The following FHOD1 variants were observed in gnomAD, a reference collection of about 807,000 sequenced individuals.
FHOD1 encodes FH1/FH2 domain-containing protein 1.
In FHOD1, 89 loss-of-function variants were observed where a neutral mutation model predicts 111.6. The observed-to-expected ratio is 0.80, with a 90% CI of 0.67 to 0.95. FHOD1 has a LOEUF of 0.95. Ranked by LOEUF, FHOD1 falls within the 40% of genes least tolerant of loss-of-function variation. The pLI, the probability that FHOD1 is intolerant of heterozygous loss-of-function variation, is 0.00. For synonymous variants in FHOD1, 618 were observed against 639.0 expected (o/e 0.97, Z 0.50); for missense variants, 1,446 against 1,554.2 (o/e 0.93, Z 1.17).
rs1337003138 is a variant in FHOD1, at chr16:67,237,894, A to C, written c.643-126T>G. 4.6e-6 allele frequency: 6 copies of C among 1,297,846 alleles called. No individual in the cohort carries two copies. In the African/African-American group the frequency reaches 8.8e-5, roughly 19 times the overall value. 80.4% of individuals were successfully genotyped at this position (1,297,846 alleles called of 1,614,324 possible). ...ATCTAGGCAGAATGACCCTGGCCCC[A>C]GGCCCAGGCACTGAAGTGCCTTATA... On this transcript the variant is annotated intron_variant, in intron 6 of 21. Coordinates refer to ENST00000258201, the MANE Select transcript of FHOD1 (RefSeq NM_013241.3). The surrounding 1 kb of genome is among the most constrained non-coding windows in gnomAD (Gnocchi z 5.6).
In FHOD1 at chr16:67,231,159, G is replaced by T. The variant is rs769436366; in HGVS notation, c.2667+29C>A. ...AAGCAGCGCTCCTCATGCCTTGTCC[G>T]GCCTTGGTTGATTCTGGCAGGTGCT... is the stretch of plus-strand genomic sequence containing the variant. On this transcript the variant is annotated intron_variant, in intron 17 of 21. Transcript: ENST00000258201. This position sits in a 1 kb window ranked among gnomAD's most constrained non-coding sequence, Gnocchi z 4.3. 44 of 1,611,966 alleles carry T rather than the reference G, an allele frequency of 2.7e-5. No homozygotes were observed. The South Asian group carries it at 4.7e-4, about 17-fold the overall frequency.
chr16:67,234,694 A>G, intron 11 of FHOD1: 1 of 531,042 alleles, frequency 1.9e-6, no homozygotes, highest in East Asian at 3.0e-5. Context: ...TTCCCAGGTG[A>G]AAACACAGGG....
chr16:67,230,740 G>A lies in FHOD1; in HGVS notation c.2719C>T (p.Arg907Trp), dbSNP rs761688398. The A allele has an allele frequency of 1.2e-5, 19 of 1,609,918 alleles. 1 individual carries two copies. The highest frequency in any genetic ancestry group is 3.3e-5 in the South Asian group (3 of 90,742). Reference protein sequence around the residue: ...ENLGQLERRSRAAEESLRSLA... With the variant: ...ENLGQLERRSWAAEESLRSLA... ...CTCCGCAGGCTCTCCTCGGCTGCCC[G>A]GCTCCGGCGCTCCAGCTGCCCCAGG... is the stretch of plus-strand genomic sequence containing the variant. Residue 907 changes from arginine (R) to tryptophan (W), a missense_variant, in exon 18 of 22, where the codon CGG (arginine) becomes TGG (tryptophan). Physicochemically the swap from Arg to Trp is moderately radical, Grantham distance 101. Around this residue, in one of 3 missense-constraint regions of FHOD1, gnomAD observed 1,085 missense variants for 1,108.8 expected, o/e 0.98. Coordinates refer to ENST00000258201, the MANE Select transcript of FHOD1 (RefSeq NM_013241.3).
chr16:67,246,758 G>A (rs755028551), intron 1 of FHOD1, among the ~76,000 whole-genome samples: 1 of 152,142 alleles, frequency 6.6e-6, no homozygotes, highest in Non-Finnish European at 1.5e-5. Flanking sequence ...TCCTGACACC[G>A]CAGGAAACCT....
In FHOD1 at chr16:67,238,320, T is replaced by TG. The variant is rs2034567085; in HGVS notation, c.442-14dup. The TG allele has an allele frequency of 6.2e-7, 1 of 1,613,992 alleles. No homozygotes were observed. Among genetic ancestry groups the TG allele is most frequent in the African/African-American group, 1.3e-5 (1 of 75,028 alleles). ...GGTCTTTGTCCTCCTAGAGGCACCA[T>TG]GGGGGAGTTTAGGGAAGCTTGGGCT... On this transcript the variant is annotated splice_polypyrimidine_tract_variant and intron_variant, in intron 4 of 21. Coordinates refer to ENST00000258201, the MANE Select transcript of FHOD1 (RefSeq NM_013241.3). This position sits in a 1 kb window ranked among gnomAD's most constrained non-coding sequence, Gnocchi z 4.2.
chr16:67,235,956 G>GGAAGCAATGCT, intron 11 of FHOD1: 1 of 820,040 alleles, frequency 1.2e-6, no homozygotes, highest in Non-Finnish European at 1.5e-6. Flanking sequence ...CCCTGCTGGG[G>GGAAGCAATGCT]GAAGCAATGC....
At chr16:67,230,264 A>C (rs1211407910) in intron 19 of FHOD1, 36 bp from the exon 20 acceptor site, 35 of 1,613,404 alleles carry the variant, frequency 2.2e-5, no homozygotes, top group Non-Finnish European at 3.0e-5. Context: ...GGAGGAGCGA[A>C]GGAAACCAAG....
At position 67,232,152 on chromosome 16, in the gene FHOD1, G is replaced by A; in HGVS notation, c.2089C>T (p.Pro697Ser). The A allele has an allele frequency of 1.2e-6, 2 of 1,614,184 alleles. No individual in the cohort carries two copies. Among genetic ancestry groups the A allele is most frequent in the Non-Finnish European group, 1.7e-6 (2 of 1,180,034 alleles). Reference protein sequence around the residue: ...GRRTMTTVLDPKRSNAINIGL... With the variant: ...GRRTMTTVLDSKRSNAINIGL... ...ATGTTGATGGCGTTGCTGCGCTTGG[G>A]GTCCAGCACTGTGGTCATTGTCCGG... The change falls in exon 14 of 22, where the codon CCC (proline) becomes TCC (serine). Residue 697 changes from proline to serine, a missense_variant. Physicochemically the swap from Pro to Ser is moderately conservative, Grantham distance 74. Around this residue, in one of 3 missense-constraint regions of FHOD1, gnomAD observed 1,085 missense variants for 1,108.8 expected, o/e 0.98. Transcript: ENST00000258201.
Position 67,237,504 on chromosome 16 carries a change from A to G in FHOD1, c.820T>C (p.Leu274=). The change falls in exon 8 of 22, where the codon TTG becomes CTG. Residue 274 remains leucine, a synonymous_variant. Transcript: ENST00000258201. The surrounding 1 kb of genome is among the most constrained non-coding windows in gnomAD (Gnocchi z 5.6). ...TTGATGAGGGTGACCGTGTACACCA[A>G]CAACTCAGGGTCAGCGCCATTCTTC... is the stretch of plus-strand genomic sequence containing the variant. ...EEKNGADPEL[L]VYTVTLINKT... 3 of 1,614,182 alleles carry G rather than the reference A, an allele frequency of 1.9e-6. No individual in the cohort carries two copies. In the South Asian group the frequency reaches 3.3e-5, roughly 18 times the overall value.
Position 67,229,843 on chromosome 16 carries a change from C to G in FHOD1, c.3362G>C (p.Arg1121Pro). ...CTTGCGTTCCCTAGCAGCTAAGGCA[C>G]GAGGACTGCTCTTGGTCACTGACTG... ...LVQSVTKSSPRALAARERKRS... is the reference protein window; with the variant it reads ...LVQSVTKSSPPALAARERKRS... Residue 1121 changes from arginine to proline, a missense_variant, in exon 21 of 22, where the codon CGT becomes CCT. Physicochemically the swap from Arg to Pro is moderately radical, Grantham distance 103. Transcript: ENST00000258201. 6.2e-7 allele frequency: 1 copy of G among 1,614,226 alleles called. No individual in the cohort carries two copies. Among genetic ancestry groups the G allele is most frequent in the Non-Finnish European group, 8.5e-7 (1 of 1,180,036 alleles).
At chr16:67,232,518 CAAA>C (rs988902359) in intron 13 of FHOD1, among the ~76,000 whole-genome samples, 4 of 48,622 alleles carry the variant, frequency 8.2e-5, no homozygotes, top group South Asian at 6.8e-4. Flanking sequence ...GACTCTGTCT[CAAA>C]AAAAAAAAAA....
At position 67,234,105 on chromosome 16, in the gene FHOD1, G is replaced by A. The variant is rs77958237; in HGVS notation, c.1598C>T (p.Pro533Leu). 0.038 allele frequency: 60,555 copies of A among 1,595,208 alleles called. 1,259 individuals carry two copies. The highest frequency in any genetic ancestry group is 0.05 in the African/African-American group (3,761 of 74,672). ...SPKAEPIWEL[P>L]TRAPRLSIGD... ...AATAGAGAGCCTGGGTGCACGGGTA[G>A]GGAGCTCCCAGATGGGCTCAGCCTT... The change falls in exon 13 of 22, where the codon CCT becomes CTT. Residue 533 changes from proline (P) to leucine (L), a missense_variant. Physicochemically the swap from Pro to Leu is moderately conservative, Grantham distance 98 (BLOSUM62 -3). Coordinates refer to ENST00000258201, the MANE Select transcript of FHOD1 (RefSeq NM_013241.3).
rs147795243 is a variant in FHOD1 at position 67,237,380 on chromosome 16, C to T, written c.852G>A (p.Thr284=). ...AGTCCTGGTCCGGGAGCGCCGCCAG[C>T]GTCTGGAGGGCGGGGATAAGAAGGC... The part of the protein sequence containing the change: ...LVYTVTLINK[T]LAALPDQDSF... Residue 284 remains threonine, a splice_region_variant and synonymous_variant, in exon 9 of 22, where the codon ACG becomes ACA. Transcript: ENST00000258201. The surrounding 1 kb of genome is among the most constrained non-coding windows in gnomAD (Gnocchi z 5.6). 535 of 1,613,820 alleles carry T rather than the reference C, an allele frequency of 3.3e-4. No homozygotes were observed. The highest frequency in any genetic ancestry group is 8.2e-4 in the Middle Eastern group (5 of 6,062).
In FHOD1 at chr16:67,236,989, G is replaced by C; in HGVS notation, c.1119C>G (p.Cys373Trp). The C allele has an allele frequency of 6.2e-7, 1 of 1,602,562 alleles. No individual in the cohort carries two copies. The highest frequency in any genetic ancestry group is 8.5e-7 in the Non-Finnish European group (1 of 1,175,090). The change falls in exon 10 of 22, where the codon TGC becomes TGG. Residue 373 changes from cysteine (C) to tryptophan (W), a missense_variant. By Grantham distance (215) the Cys-to-Trp change is radical (BLOSUM62 -2). Transcript: ENST00000258201. ...ACCCAGGTTCCGGGGCACGCGCGGG[G>C]CAGCCCCCGCCTTCCAGAGAACGGC... Reference protein sequence around the residue: ...RSRRSLEGGGCPARAPEPGPT... With the variant: ...RSRRSLEGGGWPARAPEPGPT...
rs2034604035 is a variant in FHOD1, at chr16:67,239,388, C to T, written c.268G>A (p.Glu90Lys). The change falls in exon 2 of 22, where the codon GAG (glutamate) becomes AAG (lysine). Residue 90 changes from glutamate (E) to lysine (K), a missense_variant. Glu to Lys is a moderately conservative substitution (Grantham distance 56). This residue lies in a region of FHOD1 where 234 missense variants were observed against 327.4 expected (regional missense o/e 0.71). Coordinates refer to ENST00000258201, the MANE Select transcript of FHOD1 (RefSeq NM_013241.3). ...YYLDTELSLEEQREMLEGFYE... is the reference protein window; with the variant it reads ...YYLDTELSLEKQREMLEGFYE... ...AAGCCCTCCAGCATCTCCCGCTGCTCTTCCAGGGACAGCTCGGTGTCCAGG... is the reference window on the plus strand; with the variant it reads ...AAGCCCTCCAGCATCTCCCGCTGCTTTTCCAGGGACAGCTCGGTGTCCAGG... 2 of 1,614,200 alleles carry T rather than the reference C, an allele frequency of 1.2e-6. No homozygotes were observed. Among genetic ancestry groups the T allele is most frequent in the Non-Finnish European group, 1.7e-6 (2 of 1,180,026 alleles).
In FHOD1 at chr16:67,236,744, G is replaced by A; in HGVS notation, c.1143-11C>T. ...GCGGGGCCTGTGGGGCTGAAAGCAGGGGCTGTCAGTGGGGCGGGGCCTGAG... is the reference window on the plus strand; with the variant it reads ...GCGGGGCCTGTGGGGCTGAAAGCAGAGGCTGTCAGTGGGGCGGGGCCTGAG... On this transcript the variant is annotated splice_polypyrimidine_tract_variant and intron_variant, in intron 10 of 21. Transcript: ENST00000258201. 6.5e-7 allele frequency: 1 copy of A among 1,527,232 alleles called. No individual in the cohort carries two copies. The highest frequency in any genetic ancestry group is 8.8e-7 in the Non-Finnish European group (1 of 1,135,836). The allele number at this position is 1,527,232 out of a possible 1,614,324, so 94.6% of individuals were successfully genotyped here.
chr16:67,239,526 T>C, intron 1 of FHOD1, 72 bp from the exon 2 acceptor site: 1 of 1,074,084 alleles, frequency 9.3e-7, no homozygotes, highest in Non-Finnish European at 1.4e-6. Flanking sequence ...CCCTGACCTC[T>C]TACCTACCAC....
Position 67,234,153 on chromosome 16 carries a change from T to C in FHOD1, c.1550A>G (p.Glu517Gly). The C allele has an allele frequency of 4.5e-6, 7 of 1,560,810 alleles. No individual in the cohort carries two copies. Among genetic ancestry groups the C allele is most frequent in the Non-Finnish European group, 6.1e-6 (7 of 1,151,196 alleles). The change falls in exon 13 of 22, where the codon GAG becomes GGG. Residue 517 changes from glutamate to glycine, a missense_variant. By Grantham distance (98) the Glu-to-Gly change is moderately conservative. Coordinates refer to ENST00000258201, the MANE Select transcript of FHOD1 (RefSeq NM_013241.3). Reference sequence around the variant, plus strand: ...CTTGGGGCTTGCTGGTATCAGTGGCTCCTTGGGCTCTGGTGCAAGGCTTCG... The same window carrying C: ...CTTGGGGCTTGCTGGTATCAGTGGCCCCTTGGGCTCTGGTGCAAGGCTTCG... ...AQRSLAPEPK[E>G]PLIPASPKAE...
chr16:67,237,032 T>C lies in FHOD1; in HGVS notation c.1076A>G (p.Glu359Gly), dbSNP rs748737467. 6 of 1,613,098 alleles carry C rather than the reference T, an allele frequency of 3.7e-6. No individual in the cohort carries two copies. The highest frequency in any genetic ancestry group is 1.7e-5 in the Admixed American group (1 of 59,864). Residue 359 changes from glutamate (E) to glycine (G), a missense_variant, in exon 10 of 22, where the codon GAG becomes GGG. By Grantham distance (98) the Glu-to-Gly change is moderately conservative. Coordinates refer to ENST00000258201, the MANE Select transcript of FHOD1 (RefSeq NM_013241.3). This position sits in a 1 kb window ranked among gnomAD's most constrained non-coding sequence, Gnocchi z 5.6. ...GRRERRKPSS[E>G]EGKRSRRSLE... Reference sequence around the variant, plus strand: ...AGAACGGCGGCTCCTCTTGCCCTCCTCAGAAGAAGGCTTTCGTCGTTCCCG... The same window carrying C: ...AGAACGGCGGCTCCTCTTGCCCTCCCCAGAAGAAGGCTTTCGTCGTTCCCG...
Sources: gnomAD v4.1 joint callset for allele counts (sites outside exome capture counted in the v4.1 genomes callset) on GRCh38, gnomAD v4.1.1 for gene constraint, gnomAD v4.1.1 regional missense constraint, Gnocchi (gnomAD v3.1) non-coding constraint, MANE v1.5 for transcripts, NCBI Gene and HGNC (gene_info 2026-07-23, HGNC 2026-07-21) for gene names.